Variants in NUTM1 observed in about 807,000 individuals in gnomAD.
NUTM1 encodes NUT family member 1.
Under a neutral mutation model 88.7 loss-of-function variants are expected in NUTM1, and 39 were observed. The ratio of observed to expected loss-of-function variants is 0.44; its 90% CI spans 0.34 to 0.57. NUTM1 has a LOEUF of 0.57. NUTM1 is among the 20% of genes least tolerant of loss of function. The pLI, the probability that NUTM1 is intolerant of heterozygous loss-of-function variation, is 0.01. For synonymous variants in NUTM1, 494 were observed against 538.0 expected (o/e 0.92, Z 1.13); for missense variants, 1,350 against 1,414.5 (o/e 0.95, Z 0.73).
intron 1 of NUTM1, among the ~76,000 whole-genome samples, chr15:34,344,881 G>C (rs1334072110): frequency 6.6e-6 from 1 of 152,114 alleles, no homozygotes; most frequent in Non-Finnish European, 1.5e-5. Flanking sequence ...AGCCGGGCAT[G>C]GTGGTGGGTG....
rs761648315 is a variant in NUTM1 at position 34,357,383 on chromosome 15, C to T, written c.3375C>T (p.Pro1125=). Residue 1125 remains proline, a synonymous_variant, in exon 8 of 8, where the codon CCC becomes CCT. Coordinates refer to ENST00000537011, the MANE Select transcript of NUTM1 (RefSeq NM_001284292.2). ...ACTCAGGAGCTCAACTTGGGGTCCC[C>T]AGGGAGAAACCCCTAGCTCTGGGAG... ...TPHSGAQLGV[P]REKPLALGVV... 1 of 1,614,092 alleles carries T rather than the reference C, an allele frequency of 6.2e-7. No homozygotes were observed. The highest frequency in any genetic ancestry group is 1.3e-5 in the African/African-American group (1 of 74,932).
Position 34,354,471 on chromosome 15 carries a change from CA to C in NUTM1, c.1103del (p.Lys368ArgfsTer29). On this transcript the variant is annotated frameshift_variant, in exon 6 of 8. Coordinates refer to ENST00000537011, the MANE Select transcript of NUTM1 (RefSeq NM_001284292.2). LOFTEE classifies it high-confidence loss of function. Reference protein sequence around the residue: ...PVYIPKKAASKTRAPRRRQRK... With the variant: ...PVYIPKKAASXTRAPRRRQRK... ...TGTACATTCCGAAGAAGGCAGCCTC[CA>C]AGACACGGGCCCCCCGCCGGCGTCA... 6.2e-7 allele frequency: 1 copy of C among 1,614,112 alleles called. No homozygotes were observed. Among genetic ancestry groups the C allele is most frequent in the Non-Finnish European group, 8.5e-7 (1 of 1,180,008 alleles).
chr15:34,355,185 T>A lies in NUTM1; in HGVS notation c.1479+48T>A. ...ATGAGAACGAGAAGCTTGCAAGATT[T>A]TATCTAACCCTACACTGTCGTGGGT... On this transcript the variant is annotated intron_variant, in intron 7 of 7. Transcript: ENST00000537011. This position sits in a 1 kb window ranked among gnomAD's most constrained non-coding sequence, Gnocchi z 4.3. 8.1e-7 allele frequency: 1 copy of A among 1,237,656 alleles called. No individual in the cohort carries two copies. The highest frequency in any genetic ancestry group is 1.2e-6 in the Non-Finnish European group (1 of 838,178). The allele number at this position is 1,237,656 out of a possible 1,614,324, so 76.7% of individuals were successfully genotyped here.
chr15:34,344,824 C>A (rs750754973), intron 1 of NUTM1, among the ~76,000 whole-genome samples: 12 of 152,070 alleles, frequency 7.9e-5, no homozygotes, highest in Non-Finnish European at 1.8e-4. Flanking sequence ...CGAGACTATC[C>A]TGGCTAACAC....
chr15:34,356,960 C>T lies in NUTM1; in HGVS notation c.2952C>T (p.Tyr984=), dbSNP rs781228148. The change falls in exon 8 of 8, where the codon TAC becomes TAT. Residue 984 remains tyrosine (Y), a synonymous_variant. Coordinates refer to ENST00000537011, the MANE Select transcript of NUTM1 (RefSeq NM_001284292.2). ...LAPLQESQES[Y]TTGTPKATSS... is the part of the protein sequence containing the mutation. ...CTTTACAAGAGAGTCAGGAGTCTTA[C>T]ACAACTGGGACTCCCAAAGCAACAT... 2.5e-6 allele frequency: 4 copies of T among 1,613,852 alleles called. No homozygotes were observed. The highest frequency in any genetic ancestry group is 3.4e-6 in the Non-Finnish European group (4 of 1,179,976).
chr15:34,354,887 C>T lies in NUTM1; in HGVS notation c.1363-134C>T, dbSNP rs552127135. On this transcript the variant is annotated intron_variant, in intron 6 of 7. Coordinates refer to ENST00000537011, the MANE Select transcript of NUTM1 (RefSeq NM_001284292.2). ...TGCATCATCATGAGAATGTGTGTAG[C>T]CGGTGGTGGTCAGTTTACAATACCG... The T allele has an allele frequency of 3.8e-5, 38 of 1,010,318 alleles. No individual in the cohort carries two copies. The African/African-American group carries it at 5.3e-4, about 14-fold the overall frequency. 62.6% of individuals were successfully genotyped at this position (1,010,318 alleles called of 1,614,324 possible). A position where few individuals can be genotyped will look rare whatever the true frequency, so the allele number is the denominator to read the frequency against.
Position 34,357,458 on chromosome 15 carries a change from G to T in NUTM1, c.3450G>T (p.Thr1150=). The T allele has an allele frequency of 6.2e-7, 1 of 1,612,898 alleles. No homozygotes were observed. Among genetic ancestry groups the T allele is most frequent in the Admixed American group, 1.7e-5 (1 of 59,668 alleles). ...AAAGGCGGTGTGACAGTTTTGTCAC[G>T]GGCAGAAGGAAGAAACGACGTCGTA... ...PRKRRCDSFV[T]GRRKKRRRSQ The change falls in exon 8 of 8, where the codon ACG becomes ACT. Residue 1150 remains threonine (T), a synonymous_variant. Coordinates refer to ENST00000537011, the MANE Select transcript of NUTM1 (RefSeq NM_001284292.2).
rs747213239 is a variant in NUTM1 at position 34,356,197 on chromosome 15, A to G, written c.2189A>G (p.Asp730Gly). Residue 730 changes from aspartate (D) to glycine (G), a missense_variant, in exon 8 of 8, where the codon GAT (aspartate) becomes GGT (glycine). Physicochemically the swap from Asp to Gly is moderately conservative, Grantham distance 94 (BLOSUM62 -1). This residue lies in a region of NUTM1 where 730 missense variants were observed against 728.8 expected (regional missense o/e 1.00). Coordinates refer to ENST00000537011, the MANE Select transcript of NUTM1 (RefSeq NM_001284292.2). ...DRGTPMAQSY[D>G]QNPSPRAAGE... ...GGTACCCCCATGGCTCAGAGTTATG[A>G]TCAGAATCCTTCCCCTAGAGCAGCT... 2 of 1,608,716 alleles carry G rather than the reference A, an allele frequency of 1.2e-6. No homozygotes were observed. The highest frequency in any genetic ancestry group is 1.7e-6 in the Non-Finnish European group (2 of 1,176,118).
In NUTM1 at chr15:34,348,633, C is replaced by T. The variant is rs965128782; in HGVS notation, c.765C>T (p.His255=). Residue 255 remains histidine, a synonymous_variant, in exon 3 of 8, where the codon CAC becomes CAT. Transcript: ENST00000537011. Reference sequence around the variant, plus strand: ...GTTACAAAGCCTTGGCCCGGAGGCACCTATCCCAGAGTCCTGACACAGAAG... The same window carrying T: ...GTTACAAAGCCTTGGCCCGGAGGCATCTATCCCAGAGTCCTGACACAGAAG... ...WQRYKALARR[H]LSQSPDTEAL... is the part of the protein sequence containing the mutation. 6.2e-7 allele frequency: 1 copy of T among 1,608,988 alleles called. No individual in the cohort carries two copies. Among genetic ancestry groups the T allele is most frequent in the Admixed American group, 1.7e-5 (1 of 60,026 alleles).
rs1890637738 is a variant in NUTM1, at chr15:34,348,188, G to C, written c.320G>C (p.Cys107Ser). 6.2e-7 allele frequency: 1 copy of C among 1,614,102 alleles called. No individual in the cohort carries two copies. Among genetic ancestry groups the C allele is most frequent in the Non-Finnish European group, 8.5e-7 (1 of 1,180,046 alleles). Residue 107 changes from cysteine (C) to serine (S), a missense_variant, in exon 3 of 8, where the codon TGC becomes TCC. Cys to Ser is a moderately radical substitution (Grantham distance 112, BLOSUM62 -1). Around this residue, in one of 5 missense-constraint regions of NUTM1, gnomAD observed 399 missense variants for 397.9 expected, o/e 1.00. Coordinates refer to ENST00000537011, the MANE Select transcript of NUTM1 (RefSeq NM_001284292.2). ...TTGGTGACAGGGGATGGGGGCCCTT[G>C]CCTCAGTGGGGCTGGGGCTGGCAAG... ...SLLVTGDGGP[C>S]LSGAGAGKVI...
chr15:34,348,753 A>G (rs1890656568), intron 3 of NUTM1, 76 bp downstream of exon 3: 2 of 1,055,586 alleles, frequency 1.9e-6, no homozygotes, highest in Non-Finnish European at 1.4e-6. Flanking sequence ...ATAGTAGTTT[A>G]GGCTGTTTAG....
Position 34,343,546 on chromosome 15 carries a change from A to C in NUTM1, c.-151A>C. On this transcript the variant is annotated 5_prime_UTR_variant, in exon 1 of 8. Transcript: ENST00000537011. ...ACATCCAGTTCCCCTGCTCCATTTC[A>C]AAGCGTTGGCGGTAAAGAATGCATG... is the stretch of plus-strand genomic sequence containing the variant. The C allele has an allele frequency of 6.6e-7, 1 of 1,521,610 alleles. No individual in the cohort carries two copies. The highest frequency in any genetic ancestry group is 1.7e-4 in the Middle Eastern group (1 of 5,938). 94.3% of individuals were successfully genotyped at this position (1,521,610 alleles called of 1,614,324 possible). A position where few individuals can be genotyped will look rare whatever the true frequency, so the allele number is the denominator to read the frequency against.
Position 34,346,983 on chromosome 15 carries a change from G to A in NUTM1, c.100+948G>A, listed in dbSNP as rs35458869. On this transcript the variant is annotated intron_variant, in intron 2 of 7. Transcript: ENST00000537011. ...GGGGTCTGTGTGTCTTGTTGAAAAA[G>A]AAGCAACTTCTTTAATGCAGTCATT... Among the ~76,000 whole-genome samples, 4 of 141,378 alleles carry A rather than the reference G, an allele frequency of 2.8e-5. No homozygotes were observed. The East Asian group carries it at 9.6e-4, about 34-fold the overall frequency. The allele number at this position is 141,378 out of a possible 152,430, so 92.7% of individuals were successfully genotyped here.
chr15:34,344,017 C>T (rs1167204008), intron 1 of NUTM1, among the ~76,000 whole-genome samples: 3 of 146,306 alleles, frequency 2.1e-5, no homozygotes, highest in Admixed American at 6.9e-5. Context: ...GTCAAGGGTT[C>T]GAGACCAGCC....
chr15:34,354,944 T>TA, intron 6 of NUTM1, 77 bp from the exon 7 acceptor site: 1 of 1,178,298 alleles, frequency 8.5e-7, no homozygotes, highest in East Asian at 2.3e-5. Flanking sequence ...GGGGAGCTCT[T>TA]AGTTTCTTCT....
chr15:34,348,707 C>A (rs1352096829), intron 3 of NUTM1, 30 bp downstream of exon 3: 20 of 1,481,668 alleles, frequency 1.3e-5, no homozygotes, highest in Non-Finnish European at 1.8e-5. Flanking sequence ...ATTAATTATT[C>A]TAGGGCTTTT....
Position 34,356,995 on chromosome 15 carries a change from A to G in NUTM1, c.2987A>G (p.Gln996Arg), listed in dbSNP as rs763253563. Residue 996 changes from glutamine to arginine, a missense_variant, in exon 8 of 8, where the codon CAG (glutamine) becomes CGG (arginine). Physicochemically the swap from Gln to Arg is conservative, Grantham distance 43 (BLOSUM62 1). Around this residue, in one of 5 missense-constraint regions of NUTM1, gnomAD observed 730 missense variants for 728.8 expected, o/e 1.00. Transcript: ENST00000537011. ...ACTCCCAAAGCAACATCTTCTCACC[A>G]GGGCCTTGGAAGCACTTTGCCTAGA... is the stretch of plus-strand genomic sequence containing the variant. ...TGTPKATSSH[Q>R]GLGSTLPRRG... is the part of the protein sequence containing the mutation. The G allele has an allele frequency of 1.7e-5, 28 of 1,613,954 alleles. No individual in the cohort carries two copies. Among genetic ancestry groups the G allele is most frequent in the Non-Finnish European group, 2.4e-5 (28 of 1,179,990 alleles).
chr15:34,356,645 G>A lies in NUTM1; in HGVS notation c.2637G>A (p.Leu879=). 6.2e-7 allele frequency: 1 copy of A among 1,613,822 alleles called. No homozygotes were observed. Among genetic ancestry groups the A allele is most frequent in the Non-Finnish European group, 8.5e-7 (1 of 1,179,958 alleles). Residue 879 remains leucine (L), a synonymous_variant, in exon 8 of 8, where the codon CTG becomes CTA. Coordinates refer to ENST00000537011, the MANE Select transcript of NUTM1 (RefSeq NM_001284292.2). ...TGCTAGAAAGTGGTGATTCCACACT[G>A]GGGTCTTCCAAAGAAACCCTTCCAC... ...FPLLESGDST[L]GSSKETLPPT...
chr15:34,346,908 G>T (rs1333665350), intron 2 of NUTM1, among the ~76,000 whole-genome samples: 1 of 14,992 alleles, frequency 6.7e-5, no homozygotes. Flanking sequence ...AAAAAAAAAA[G>T]CAGCACTTAG....
Sources: gnomAD v4.1 joint callset for allele counts (sites outside exome capture counted in the v4.1 genomes callset) on GRCh38, gnomAD v4.1.1 for gene constraint, gnomAD v4.1.1 regional missense constraint, Gnocchi (gnomAD v3.1) non-coding constraint, MANE v1.5 for transcripts, NCBI Gene and HGNC (gene_info 2026-07-23, HGNC 2026-07-21) for gene names.